Variants in CHKA observed in about 807,000 individuals in gnomAD.
CHKA encodes the protein choline kinase alpha, also known as CHETK-alpha.
A neutral mutation model predicts 60.1 loss-of-function variants in CHKA; 34 were observed. The ratio of observed to expected loss-of-function variants is 0.57; its 90% CI spans 0.43 to 0.75. The LOEUF is 0.75. Among genes scored for constraint, CHKA ranks in the 30% least tolerant of loss-of-function variants. The probability of loss-of-function intolerance (pLI) is 0.00; values close to 1 mark genes in which losing one functional copy is unlikely to be tolerated. For synonymous variants in CHKA, 217 were observed against 223.1 expected (o/e 0.97, Z 0.24); for missense variants, 563 against 561.3 (o/e 1.00, Z -0.03).
intron 1 of CHKA, among the ~76,000 whole-genome samples, chr11:68,100,971 G>C (rs191218845): frequency 8.5e-6 from 1 of 117,770 alleles, no homozygotes; most frequent in East Asian, 2.4e-4. Context: ...TTTTTGAGAC[G>C]GAGTCTCACT....
intron 4 of CHKA, among the ~76,000 whole-genome samples, chr11:68,073,386 G>T (rs1254559715): frequency 6.6e-6 from 1 of 152,102 alleles, no homozygotes; most frequent in Non-Finnish European, 1.5e-5. Flanking sequence ...GGGCGCGGTG[G>T]TTCACACCTG....
At position 68,064,541 on chromosome 11, in the gene CHKA, AC is replaced by A. The variant is rs1250151409; in HGVS notation, c.1215del (p.Met405IlefsTer119). 1 of 1,561,066 alleles carries A rather than the reference AC, an allele frequency of 6.4e-7. No homozygotes were observed. Among genetic ancestry groups the A allele is most frequent in the South Asian group, 1.2e-5 (1 of 82,654 alleles). On this transcript the variant is annotated frameshift_variant, in exon 10 of 12. Coordinates refer to ENST00000265689, the MANE Select transcript of CHKA (RefSeq NM_001277.3). LOFTEE classifies it high-confidence loss of function. ...AAATGTTACCTATTAACTTCAAGCAACATTTCTTCTTTTATAATGGATTTTT... is the reference window on the plus strand; with the variant it reads ...AAATGTTACCTATTAACTTCAAGCAAATTTCTTCTTTTATAATGGATTTTT... ...TEEKSIIKEEMLLEVNRFALA... is the reference protein window; with the variant it reads ...TEEKSIIKEEXLLEVNRFALA...
intron 2 of CHKA, chr11:68,081,909 C>A (rs1195613772): frequency 1.9e-5 from 3 of 154,106 alleles, no homozygotes; most frequent in African/African-American, 7.2e-5. Context: ...AGAACTTGGA[C>A]AGAGAAGAAA....
intron 8 of CHKA, 97 bp from the exon 9 acceptor site, chr11:68,065,991 C>T: frequency 1.2e-6 from 1 of 800,456 alleles, no homozygotes; most frequent in Non-Finnish European, 2.0e-6. Context: ...TCCGAGCACG[C>T]CACTCCTGTT....
chr11:68,119,866 T>C (rs1324266395), intron 1 of CHKA, among the ~76,000 whole-genome samples: 2 of 152,144 alleles, frequency 1.3e-5, no homozygotes, highest in Non-Finnish European at 2.9e-5. Context: ...CAGACTTCTG[T>C]TAAGTCTGAA....
At chr11:68,113,593 G>A (rs987517063) in intron 1 of CHKA, among the ~76,000 whole-genome samples, 1 of 152,148 alleles carries the variant, frequency 6.6e-6, no homozygotes, top group African/African-American at 2.4e-5. Context: ...CTACTCAGGA[G>A]GCTGAGGCAG....
chr11:68,120,248 A>G (rs1160927357), intron 1 of CHKA, among the ~76,000 whole-genome samples: 1 of 151,002 alleles, frequency 6.6e-6, no homozygotes, highest in Non-Finnish European at 1.5e-5. Context: ...AAAAAAAAGG[A>G]AAAAACATTT....
chr11:68,087,012 T>C (rs1260152896), intron 2 of CHKA, among the ~76,000 whole-genome samples: 2 of 151,970 alleles, frequency 1.3e-5, no homozygotes, highest in Admixed American at 6.6e-5. Context: ...ATTTAAAACA[T>C]CTTTAACACC....
rs548906257 is a variant in CHKA, at chr11:68,120,945, G to A, written c.233C>T (p.Pro78Leu). 4.2e-5 allele frequency: 49 copies of A among 1,174,400 alleles called. 1 individual carries two copies. In the South Asian group the frequency reaches 9.5e-4, roughly 23 times the overall value. The allele number at this position is 1,174,400 out of a possible 1,614,324, so 72.7% of individuals were successfully genotyped here. Residue 78 changes from proline (P) to leucine (L), a missense_variant, in exon 1 of 12, where the codon CCC (proline) becomes CTC (leucine). Coordinates refer to ENST00000265689, the MANE Select transcript of CHKA (RefSeq NM_001277.3). ...PLPQPPPPQP[P>L]ADEQPEPRTR... ...CCGGGGCTCCGGCTGCTCGTCTGCG[G>A]GCGGCTGCGGCGGCGGGGGCTGGGG...
chr11:68,070,278 C>T lies in CHKA; in HGVS notation c.780G>A (p.Val260=). The change falls in exon 6 of 12, where the codon GTG becomes GTA. Residue 260 remains valine, a synonymous_variant. Transcript: ENST00000265689. ...FGTMEKYLKE[V]LRIKFTEESR... ...ATTCCTCAGTAAATTTAATTCTCAGCACTTCCTTTAGATACCTATTAAAAA... is the reference window on the plus strand; with the variant it reads ...ATTCCTCAGTAAATTTAATTCTCAGTACTTCCTTTAGATACCTATTAAAAA... 3 of 1,612,486 alleles carry T rather than the reference C, an allele frequency of 1.9e-6. No homozygotes were observed. The highest frequency in any genetic ancestry group is 2.5e-6 in the Non-Finnish European group (3 of 1,178,578).
At chr11:68,095,725 A>AAAC (rs1857487838) in intron 2 of CHKA, among the ~76,000 whole-genome samples, 4 of 142,224 alleles carry the variant, frequency 2.8e-5, no homozygotes, top group Admixed American at 7.1e-5. Flanking sequence ...AAAAAAAAAA[A>AAAC]AAAAAAAAAC....
intron 2 of CHKA, among the ~76,000 whole-genome samples, chr11:68,084,442 A>G (rs564038674): frequency 1.4e-3 from 197 of 143,774 alleles, no homozygotes; most frequent in Middle Eastern, 0.011. Flanking sequence ...ATATACGTAT[A>G]TATATGTGTG....
chr11:68,087,274 G>T (rs1330953212), intron 2 of CHKA, among the ~76,000 whole-genome samples: 1 of 152,126 alleles, frequency 6.6e-6, no homozygotes, highest in Non-Finnish European at 1.5e-5. Context: ...GAGGTCAGGA[G>T]TTCAAAACCA....
intron 1 of CHKA, among the ~76,000 whole-genome samples, chr11:68,101,426 C>T (rs1487128441): frequency 6.6e-6 from 1 of 151,914 alleles, no homozygotes; most frequent in Non-Finnish European, 1.5e-5. Flanking sequence ...CTAAAGACCC[C>T]ACCAAAAAAC....
intron 2 of CHKA, among the ~76,000 whole-genome samples, chr11:68,090,940 G>A (rs995756050): frequency 6.6e-6 from 1 of 152,128 alleles, no homozygotes; most frequent in Non-Finnish European, 1.5e-5. Flanking sequence ...TGAGACTTCC[G>A]CCAACTGGCA....
chr11:68,087,985 T>G lies in CHKA; in HGVS notation c.463-6528A>C, dbSNP rs562235811. Among the ~76,000 whole-genome samples the G allele has an allele frequency of 3.4e-4, 51 of 151,906 alleles. 1 individual carries two copies. The highest frequency in any genetic ancestry group is 2.9e-3 in the Admixed American group (44 of 15,256). ...AAAATTAGTCAGGTATAGTGGCACA[T>G]GCCTGTAATCCCAGCTACTCAGGGG... On this transcript the variant is annotated intron_variant, in intron 2 of 11. Transcript: ENST00000265689.
At chr11:68,117,234 G>T (rs1037067845) in intron 1 of CHKA, among the ~76,000 whole-genome samples, 6 of 152,136 alleles carry the variant, frequency 3.9e-5, no homozygotes, top group Non-Finnish European at 5.9e-5. Flanking sequence ...CCAAGGGAAA[G>T]GCTGCCAAGC....
chr11:68,087,008 A>C (rs1857201865), intron 2 of CHKA, among the ~76,000 whole-genome samples: 1 of 152,188 alleles, frequency 6.6e-6, no homozygotes, highest in East Asian at 1.9e-4. Flanking sequence ...TGTCATTTAA[A>C]ACATCTTTAA....
chr11:68,100,600 A>AATAC (rs67305709), intron 1 of CHKA, among the ~76,000 whole-genome samples: 27 of 140,556 alleles, frequency 1.9e-4, no homozygotes, highest in Non-Finnish European at 3.5e-4. Context: ...CCAATAAATA[A>AATAC]ATACATAAAT....
Sources: gnomAD v4.1 joint callset for allele counts (sites outside exome capture counted in the v4.1 genomes callset) on GRCh38, gnomAD v4.1.1 for gene constraint, MANE v1.5 for transcripts, NCBI Gene and HGNC (gene_info 2026-07-23, HGNC 2026-07-21) for gene names.